Variants in CNOT6 observed in about 807,000 individuals in gnomAD.
CNOT6 encodes carbon catabolite repression 4 protein.
CNOT6 carries 12 observed loss-of-function variants against 61.2 expected under a neutral mutation model. The ratio of observed to expected loss-of-function variants is 0.20; its 90% CI spans 0.13 to 0.32. The LOEUF (loss-of-function observed/expected upper bound fraction) is 0.32, where lower values mean the gene tolerates loss of function less well. CNOT6 is among the 10% of genes least tolerant of loss of function. CNOT6 has a pLI of 1.00. For missense variants in CNOT6, 405 were observed against 663.9 expected, an observed-to-expected ratio of 0.61 and a Z score of 4.28; for synonymous variants, 225 against 240.6, an observed-to-expected ratio of 0.94 and a Z score of 0.60.
At chr5:180,530,775 G>A (rs1758320484) in intron 2 of CNOT6, among the ~76,000 whole-genome samples, 1 of 152,146 alleles carries the variant, frequency 6.6e-6, no homozygotes, top group Non-Finnish European at 1.5e-5. Flanking sequence ...GACTCTTAAG[G>A]AGCATGCTGC....
At chr5:180,549,454 C>A (rs1326477278) in intron 2 of CNOT6, among the ~76,000 whole-genome samples, 1 of 152,032 alleles carries the variant, frequency 6.6e-6, no homozygotes, top group African/African-American at 2.4e-5. Context: ...TCGAGACCAT[C>A]CTTGTTAACA....
chr5:180,543,918 C>G (rs1487461990), intron 2 of CNOT6, among the ~76,000 whole-genome samples: 1 of 152,104 alleles, frequency 6.6e-6, no homozygotes, highest in Non-Finnish European at 1.5e-5. Flanking sequence ...TCACGCCATT[C>G]TCCTGCTTCA....
intron 2 of CNOT6, among the ~76,000 whole-genome samples, chr5:180,537,378 A>C (rs1758753741): frequency 6.6e-6 from 1 of 152,076 alleles, no homozygotes; most frequent in African/African-American, 2.4e-5. Flanking sequence ...CTAATGGCAT[A>C]TATATTGGCC....
At chr5:180,518,693 A>C (rs1308004090) in intron 1 of CNOT6, among the ~76,000 whole-genome samples, 1 of 152,050 alleles carries the variant, frequency 6.6e-6, no homozygotes, top group Non-Finnish European at 1.5e-5. Context: ...GAGATGAGGG[A>C]ACTCCCTTTG....
At chr5:180,538,355 T>TAA (rs142961839) in intron 2 of CNOT6, among the ~76,000 whole-genome samples, 6 of 147,976 alleles carry the variant, frequency 4.1e-5, no homozygotes, top group Non-Finnish European at 7.5e-5. Context: ...TCATCTTTAT[T>TAA]AAAAAATACA....
chr5:180,506,394 T>C (rs1757133321), intron 1 of CNOT6, among the ~76,000 whole-genome samples: 1 of 152,216 alleles, frequency 6.6e-6, no homozygotes, highest in African/African-American at 2.4e-5. Flanking sequence ...CTTCTTTCTT[T>C]ATGTAAAGAT....
chr5:180,544,372 A>G lies in CNOT6; in HGVS notation c.113-5559A>G, dbSNP rs1450658270. Among the ~76,000 whole-genome samples, 5 of 152,288 alleles carry G rather than the reference A, an allele frequency of 3.3e-5. 1 individual carries two copies. The highest frequency in any genetic ancestry group is 4.1e-4 in the South Asian group (2 of 4,830). On this transcript the variant is annotated intron_variant, in intron 2 of 11. Transcript: ENST00000261951. ...GAATTCAAACCTGACAACTGTTTTC[A>G]TATTTGAATTCTAGTGTTTGAGTTA...
intron 2 of CNOT6, among the ~76,000 whole-genome samples, chr5:180,536,152 C>T (rs1322343661): frequency 8.1e-6 from 1 of 122,724 alleles, no homozygotes; most frequent in Non-Finnish European, 1.7e-5. Flanking sequence ...CCCGCCACCA[C>T]ACCCGGCTAA....
In CNOT6 at chr5:180,552,424, A is replaced by G. The variant is rs536316703; in HGVS notation, c.300-962A>G. Reference sequence around the variant, plus strand: ...TGGGAGGCCGAGGCGGGCGGATCACAAAGTCTGGAGATCGAGACCATCCTG... The same window carrying G: ...TGGGAGGCCGAGGCGGGCGGATCACGAAGTCTGGAGATCGAGACCATCCTG... On this transcript the variant is annotated intron_variant, in intron 3 of 11. Transcript: ENST00000261951. 1.6e-3 allele frequency among the ~76,000 whole-genome samples: 248 copies of G among 151,856 alleles called. 3 individuals are homozygous for G. In the East Asian group the frequency reaches 0.033, roughly 20 times the overall value.
At chr5:180,509,650 G>A (rs1274215936) in intron 1 of CNOT6, among the ~76,000 whole-genome samples, 1 of 149,838 alleles carries the variant, frequency 6.7e-6, no homozygotes, top group East Asian at 2.0e-4. Context: ...CCTGACCTCA[G>A]GTGATCCACT....
chr5:180,545,190 G>A (rs956948794), intron 2 of CNOT6, among the ~76,000 whole-genome samples: 4 of 152,112 alleles, frequency 2.6e-5, no homozygotes, highest in East Asian at 1.9e-4. Flanking sequence ...CAAAATTGGC[G>A]TGTATAAAGT....
At chr5:180,524,491 A>G (rs898026338) in intron 1 of CNOT6, among the ~76,000 whole-genome samples, 4 of 152,022 alleles carry the variant, frequency 2.6e-5, no homozygotes, top group African/African-American at 9.7e-5. Context: ...TTTGGAAAAT[A>G]GAGAAGCACT....
rs558956894 is a variant in CNOT6, at chr5:180,508,763, C to T, written c.-3+14000C>T. On this transcript the variant is annotated intron_variant, in intron 1 of 11. Transcript: ENST00000261951. ...TCATTCTCCCAGGTAGCTGGGACTG[C>T]AGGTGTGTGCCAACATGCCCAGCTA... Among the ~76,000 whole-genome samples, 7 of 152,090 alleles carry T rather than the reference C, an allele frequency of 4.6e-5. No homozygotes were observed. In the South Asian group the frequency reaches 1.5e-3, roughly 32 times the overall value.
At chr5:180,556,089 A>G (rs1374087809) in intron 4 of CNOT6, among the ~76,000 whole-genome samples, 1 of 152,368 alleles carries the variant, frequency 6.6e-6, no homozygotes, top group East Asian at 1.9e-4. Context: ...CTCCAATAGT[A>G]GCATCTTTCA....
intron 1 of CNOT6, among the ~76,000 whole-genome samples, chr5:180,508,350 C>T (rs1370024024): frequency 6.6e-5 from 10 of 152,192 alleles, no homozygotes; most frequent in Non-Finnish European, 1.5e-4. Context: ...CTCGCTCTCT[C>T]ACCCAGGCTG....
At chr5:180,550,220 T>C in intron 3 of CNOT6, 103 bp downstream of exon 3, 4 of 817,236 alleles carry the variant, frequency 4.9e-6, no homozygotes, top group Non-Finnish European at 7.7e-6. Context: ...TTTGGGAGGC[T>C]GCGAGAGGAT....
chr5:180,502,805 C>A (rs989191715), intron 1 of CNOT6, among the ~76,000 whole-genome samples: 19 of 152,258 alleles, frequency 1.2e-4, no homozygotes, highest in African/African-American at 4.3e-4. Flanking sequence ...TAAGTTAAAT[C>A]AAAAATTGTA....
chr5:180,571,700 G>A (rs995901501), intron 11 of CNOT6, among the ~76,000 whole-genome samples: 3 of 152,042 alleles, frequency 2.0e-5, no homozygotes, highest in African/African-American at 7.2e-5. Flanking sequence ...CTAGTAGCTG[G>A]GACTACAGGC....
rs1338488552 is a variant in CNOT6, at chr5:180,576,828, TA to T, written c.*2629del. The T allele has an allele frequency of 6.6e-6, 1 of 152,254 alleles. No homozygotes were observed. The highest frequency in any genetic ancestry group is 1.5e-5 in the Non-Finnish European group (1 of 68,048). 9.4% of individuals were successfully genotyped at this position (152,254 alleles called of 1,614,324 possible). ...AAAACTAGTATGTTTTCACGGTGTA[TA>T]TTTTTTTTCAAAAATTCTGTAACAA... On this transcript the variant is annotated 3_prime_UTR_variant, in exon 12 of 12. Coordinates refer to ENST00000261951, the MANE Select transcript of CNOT6 (RefSeq NM_001370472.1).
Sources: gnomAD v4.1 joint callset for allele counts (sites outside exome capture counted in the v4.1 genomes callset) on GRCh38, gnomAD v4.1.1 for gene constraint, MANE v1.5 for transcripts, NCBI Gene and HGNC (gene_info 2026-07-23, HGNC 2026-07-21) for gene names.